CFAP20DC: variants seen among roughly 807,000 people sequenced by gnomAD.
The protein encoded by CFAP20DC is CFAP20 domain containing, also known as protein CFAP20DC.
A neutral mutation model predicts 101.7 loss-of-function variants in CFAP20DC; 84 were observed. The observed-to-expected ratio is 0.83, with a 90% confidence interval of 0.69 to 0.99. The LOEUF is 0.99. Ranked by LOEUF, CFAP20DC falls within the 50% of genes least tolerant of loss-of-function variation. The pLI is 0.00. For synonymous variants in CFAP20DC, 359 were observed against 351.2 expected (o/e 1.02, Z -0.25); for missense variants, 1,007 against 970.3 (o/e 1.04, Z -0.50).
chr3:58,733,904 T>C (rs1203128126), intron 3 of CFAP20DC, among the ~76,000 whole-genome samples: 1 of 152,198 alleles, frequency 6.6e-6, no homozygotes, highest in Non-Finnish European at 1.5e-5. Flanking sequence ...AGTCTTATAA[T>C]AGGGTAAAAT....
At position 58,864,417 on chromosome 3, in the gene CFAP20DC, G is replaced by A. The variant is rs1284461052; in HGVS notation, c.1259-525C>T. On this transcript the variant is annotated intron_variant, in intron 11 of 16. Coordinates refer to ENST00000482387, the MANE Select transcript of CFAP20DC (RefSeq NM_001394063.1). This position sits in a 1 kb window ranked among gnomAD's most constrained non-coding sequence, Gnocchi z 4.7. ...GCCTATAGCTATGGGCAACTCATTT[G>A]CACTTCCTCTCCATTTGAGTTGAAA... 1.3e-5 allele frequency among the ~76,000 whole-genome samples: 2 copies of A among 152,158 alleles called. No individual in the cohort carries two copies. The highest frequency in any genetic ancestry group is 2.9e-5 in the Non-Finnish European group (2 of 68,030).
chr3:59,009,358 A>G (rs1213075810), intron 4 of CFAP20DC, among the ~76,000 whole-genome samples: 1 of 152,162 alleles, frequency 6.6e-6, no homozygotes, highest in Admixed American at 6.5e-5. Flanking sequence ...AAAATTCAGA[A>G]GGTTGATTAT....
rs919040761 is a variant in CFAP20DC, at chr3:59,002,045, A to G, written c.278+37512T>C. On this transcript the variant is annotated intron_variant, in intron 4 of 16. Coordinates refer to ENST00000482387, the MANE Select transcript of CFAP20DC (RefSeq NM_001394063.1). The surrounding 1 kb of genome is among the most constrained non-coding windows in gnomAD (Gnocchi z 4.5). ...TGCCGTGTGGTTGGCCACCATCTTA[A>G]TCGTTTACCTAGGAGGCAATATCAT... 6.6e-6 allele frequency among the ~76,000 whole-genome samples: 1 copy of G among 152,206 alleles called. No individual in the cohort carries two copies. The highest frequency in any genetic ancestry group is 1.5e-5 in the Non-Finnish European group (1 of 68,030).
Position 58,722,945 on chromosome 3 carries a change from T to TGA in CFAP20DC, c.198-5318_198-5317insTC, listed in dbSNP as rs2107052422. On this transcript the variant is annotated intron_variant, in intron 3 of 3. Transcript: ENST00000486145. This position sits in a 1 kb window ranked among gnomAD's most constrained non-coding sequence, Gnocchi z 4.5. ...ATTTTGGTAACATGCAGCTGCCACATTCATGAGCACATGATCAGGTTTCTC... is the reference window on the plus strand; with the variant it reads ...ATTTTGGTAACATGCAGCTGCCACATGATCATGAGCACATGATCAGGTTTCTC... Among the ~76,000 whole-genome samples, 2 of 152,338 alleles carry TGA rather than the reference T, an allele frequency of 1.3e-5. No individual in the cohort carries two copies. Among genetic ancestry groups the TGA allele is most frequent in the South Asian group, 4.1e-4 (2 of 4,830 alleles).
At chr3:59,049,306 T>G (rs1700120616) in intron 1 of CFAP20DC, among the ~76,000 whole-genome samples, 1 of 152,214 alleles carries the variant, frequency 6.6e-6, no homozygotes, top group Admixed American at 6.5e-5. Context: ...GGCCCTGCCC[T>G]CAAGATTCTG....
chr3:58,904,982 A>G (rs1454533477), intron 6 of CFAP20DC, among the ~76,000 whole-genome samples: 1 of 152,234 alleles, frequency 6.6e-6, no homozygotes, highest in Admixed American at 6.5e-5. Flanking sequence ...AACACTTATG[A>G]TAAGTTACCA....
chr3:58,743,822 A>G (rs555262758), intron 16 of CFAP20DC, among the ~76,000 whole-genome samples: 1 of 152,316 alleles, frequency 6.6e-6, no homozygotes, highest in Admixed American at 6.5e-5. Flanking sequence ...AGTTAAGTCC[A>G]AGGGAGTGGT....
At chr3:58,798,660 T>C (rs1363134424) in intron 15 of CFAP20DC, among the ~76,000 whole-genome samples, 1 of 152,222 alleles carries the variant, frequency 6.6e-6, no homozygotes, top group Non-Finnish European at 1.5e-5. Flanking sequence ...TCAAACAGCA[T>C]TGCATGCCAC....
At chr3:58,778,109 C>T (rs1405759106) in intron 15 of CFAP20DC, among the ~76,000 whole-genome samples, 2 of 152,166 alleles carry the variant, frequency 1.3e-5, no homozygotes, top group African/African-American at 4.8e-5. Context: ...AGCTGCCATC[C>T]TAATGGCTGC....
Position 59,006,514 on chromosome 3 carries a change from C to A in CFAP20DC, c.278+33043G>T, listed in dbSNP as rs1396781849. Among the ~76,000 whole-genome samples, 1 of 152,336 alleles carries A rather than the reference C, an allele frequency of 6.6e-6. No homozygotes were observed. Among genetic ancestry groups the A allele is most frequent in the Non-Finnish European group, 1.5e-5 (1 of 68,038 alleles). On this transcript the variant is annotated intron_variant, in intron 4 of 16. Transcript: ENST00000482387. The surrounding 1 kb of genome is among the most constrained non-coding windows in gnomAD (Gnocchi z 4.3). Reference sequence around the variant, plus strand: ...CCAAAGTGTGAGGTGGGGAATCCTGCCTCTGAACACACATCCCCACTGGGG... The same window carrying A: ...CCAAAGTGTGAGGTGGGGAATCCTGACTCTGAACACACATCCCCACTGGGG...
rs1300219918 is a variant in CFAP20DC at position 58,788,794 on chromosome 3, T to C, written c.2237+17601A>G. On this transcript the variant is annotated intron_variant, in intron 15 of 16. Coordinates refer to ENST00000482387, the MANE Select transcript of CFAP20DC (RefSeq NM_001394063.1). The surrounding 1 kb of genome is among the most constrained non-coding windows in gnomAD (Gnocchi z 4.2). ...TGTTTCCACATCTGGAATATGGGAA[T>C]AAGAGAACTGACCCTACTGGGTTGT... Among the ~76,000 whole-genome samples the C allele has an allele frequency of 6.6e-6, 1 of 152,096 alleles. No individual in the cohort carries two copies. The highest frequency in any genetic ancestry group is 2.4e-5 in the African/African-American group (1 of 41,434).
At chr3:58,800,572 G>C (rs2073614305) in intron 15 of CFAP20DC, among the ~76,000 whole-genome samples, 1 of 152,120 alleles carries the variant, frequency 6.6e-6, no homozygotes, top group South Asian at 2.1e-4. Flanking sequence ...AGATCAGTTT[G>C]GAATTCAGGG....
At chr3:58,782,575 A>C (rs1196650615) in intron 15 of CFAP20DC, among the ~76,000 whole-genome samples, 4 of 152,126 alleles carry the variant, frequency 2.6e-5, no homozygotes, top group African/African-American at 9.6e-5. Context: ...AAATTCAGTA[A>C]AGTTGAAGGA....
intron 4 of CFAP20DC, among the ~76,000 whole-genome samples, chr3:59,009,440 G>C (rs2093527378): frequency 6.6e-6 from 1 of 151,894 alleles, no homozygotes. Context: ...GGATATGAAT[G>C]AAAAACTTTC....
chr3:59,019,049 A>G (rs562273999), intron 4 of CFAP20DC: 63 of 152,268 alleles, frequency 4.1e-4, no homozygotes, highest in African/African-American at 1.5e-3. Flanking sequence ...CTATTTTTGT[A>G]ACTTTTCTTT....
At chr3:58,806,623 G>A (rs964408097) in intron 14 of CFAP20DC, among the ~76,000 whole-genome samples, 167 bp from the exon 15 acceptor site, 1 of 152,168 alleles carries the variant, frequency 6.6e-6, no homozygotes, top group African/African-American at 2.4e-5. Flanking sequence ...CCAGTGTACA[G>A]CTCCCAGCGT....
intron 14 of CFAP20DC, among the ~76,000 whole-genome samples, chr3:58,827,454 C>T (rs367568812): frequency 6.6e-6 from 1 of 151,892 alleles, no homozygotes; most frequent in East Asian, 1.9e-4. Flanking sequence ...AAGCAAAACT[C>T]ATTTCAAGTG....
At chr3:58,778,518 G>A (rs2071539524) in intron 15 of CFAP20DC, among the ~76,000 whole-genome samples, 1 of 152,190 alleles carries the variant, frequency 6.6e-6, no homozygotes, top group Non-Finnish European at 1.5e-5. Context: ...GGACCACTTG[G>A]GTCCCAGAGA....
intron 15 of CFAP20DC, among the ~76,000 whole-genome samples, chr3:58,778,961 A>G (rs1375301775): frequency 3.3e-5 from 5 of 152,226 alleles, no homozygotes; most frequent in Non-Finnish European, 7.3e-5. Flanking sequence ...ATATTCAGGA[A>G]AAATTTCTCC....
Sources: gnomAD v4.1 joint callset for allele counts (sites outside exome capture counted in the v4.1 genomes callset) on GRCh38, gnomAD v4.1.1 for gene constraint, Gnocchi (gnomAD v3.1) non-coding constraint, MANE v1.5 for transcripts, NCBI Gene and HGNC (gene_info 2026-07-23, HGNC 2026-07-21) for gene names.